The following EVC2 variants were observed in gnomAD, a reference collection of about 807,000 sequenced individuals.
The protein encoded by EVC2 is EvC ciliary complex subunit 2.
A neutral mutation model predicts 149.3 loss-of-function variants in EVC2; 148 were observed. The observed-to-expected ratio is 0.99, with a 90% CI of 0.87 to 1.14. The LOEUF (loss-of-function observed/expected upper bound fraction) is 1.14. Ranked by LOEUF, EVC2 falls within the 50% of genes most tolerant of loss-of-function variation. The probability of loss-of-function intolerance (pLI) is 0.00; values close to 1 mark genes in which losing one functional copy is unlikely to be tolerated. For synonymous variants in EVC2, 776 were observed against 649.9 expected, an observed-to-expected ratio of 1.19 and a Z score of -2.95; for missense variants, 1,854 against 1,627.3, an observed-to-expected ratio of 1.14 and a Z score of -2.40.
At chr4:5,592,493 G>A (rs184456081) in intron 16 of EVC2, among the ~76,000 whole-genome samples, 1 of 152,324 alleles carries the variant, frequency 6.6e-6, no homozygotes, top group Middle Eastern at 3.4e-3. Flanking sequence ...AGGAATGTCA[G>A]GTGGCCATCA....
rs1034970055 is a variant in EVC2 at position 5,574,605 on chromosome 4, G to A, written c.3360+80C>T. On this transcript the variant is annotated intron_variant, in intron 19 of 21. Coordinates refer to ENST00000344408, the MANE Select transcript of EVC2 (RefSeq NM_147127.5). Reference sequence around the variant, plus strand: ...GGCTTTTCATCACCATCCTGGAGGTGAGGAAATGTGGATTCTGAGAAAAAG... The same window carrying A: ...GGCTTTTCATCACCATCCTGGAGGTAAGGAAATGTGGATTCTGAGAAAAAG... 1.1e-5 allele frequency: 15 copies of A among 1,410,994 alleles called. No individual in the cohort carries two copies. In the African/African-American group the frequency reaches 1.8e-4, roughly 17 times the overall value. The allele number at this position is 1,410,994 out of a possible 1,614,324, so 87.4% of individuals were successfully genotyped here.
intron 16 of EVC2, among the ~76,000 whole-genome samples, chr4:5,598,119 A>G (rs1411575923): frequency 1.3e-5 from 2 of 150,442 alleles, no homozygotes; most frequent in South Asian, 2.1e-4. Context: ...GGAAGAATCA[A>G]TATCATGAAA....
At chr4:5,661,587 G>T (rs1310817470) in intron 9 of EVC2, among the ~76,000 whole-genome samples, 1 of 152,170 alleles carries the variant, frequency 6.6e-6, no homozygotes, top group Non-Finnish European at 1.5e-5. Flanking sequence ...AAAAAAATAA[G>T]ATTGAGATTT....
At chr4:5,565,915 T>C (rs532916584) in intron 20 of EVC2, among the ~76,000 whole-genome samples, 2 of 152,106 alleles carry the variant, frequency 1.3e-5, no homozygotes, top group Non-Finnish European at 2.9e-5. Context: ...GGGGAGTCAT[T>C]TGAGCAAAGG....
intron 9 of EVC2, among the ~76,000 whole-genome samples, chr4:5,655,804 A>C (rs1192996332): frequency 1.3e-5 from 2 of 150,120 alleles, no homozygotes; most frequent in Non-Finnish European, 1.5e-5. Flanking sequence ...GGAGGGAGGG[A>C]GGACAGTTTC....
At chr4:5,678,398 C>CT (rs1418531586) in intron 7 of EVC2, among the ~76,000 whole-genome samples, 4 of 152,202 alleles carry the variant, frequency 2.6e-5, no homozygotes, top group Non-Finnish European at 4.4e-5. Context: ...GGAGAGGACT[C>CT]TTAAAACTTG....
At chr4:5,659,038 C>T (rs779744536) in intron 9 of EVC2, among the ~76,000 whole-genome samples, 5 of 152,152 alleles carry the variant, frequency 3.3e-5, no homozygotes, top group Non-Finnish European at 5.9e-5. Flanking sequence ...CTCAAATCCT[C>T]TCTGTAAGAG....
At chr4:5,542,782 C>T in exon 23 of EVC2, 1 of 201,936 alleles carries the variant, frequency 5.0e-6, no homozygotes, top group South Asian at 8.5e-5. Context: ...GGTCAGTTGT[C>T]AGGATTGGCT....
rs576350839 is a variant in EVC2, at chr4:5,696,482, G to C, written c.283+1111C>G. 6.6e-6 allele frequency among the ~76,000 whole-genome samples: 1 copy of C among 152,180 alleles called. No homozygotes were observed. Among genetic ancestry groups the C allele is most frequent in the Non-Finnish European group, 1.5e-5 (1 of 68,028 alleles). ...CCAGGGATAGGTTCAGGGACAGGCC[G>C]GGGACCCACGCTGAGCCCAGGGGCC... On this transcript the variant is annotated intron_variant, in intron 2 of 21. Coordinates refer to ENST00000344408, the MANE Select transcript of EVC2 (RefSeq NM_147127.5). This position sits in a 1 kb window ranked among gnomAD's most constrained non-coding sequence, Gnocchi z 4.1.
chr4:5,680,167 G>C (rs1042666034), intron 7 of EVC2, among the ~76,000 whole-genome samples: 1 of 152,162 alleles, frequency 6.6e-6, no homozygotes, highest in East Asian at 1.9e-4. Context: ...CCTGCCTGAG[G>C]CTGATTTATA....
At chr4:5,629,952 A>G (rs1716407580) in intron 11 of EVC2, among the ~76,000 whole-genome samples, 2 of 152,244 alleles carry the variant, frequency 1.3e-5, no homozygotes, top group South Asian at 4.1e-4. Context: ...TTTCTGGCAT[A>G]ATATCATTCA....
the EVC2 span, among the ~76,000 whole-genome samples, chr4:5,535,829 A>T: frequency 6.6e-6 from 1 of 152,154 alleles, no homozygotes; most frequent in East Asian, 1.9e-4. The surrounding 1 kb of genome is among the most constrained non-coding windows in gnomAD (Gnocchi z 4.7). Flanking sequence ...AGCAGAAATC[A>T]TTAGGAGGGA....
intron 10 of EVC2, among the ~76,000 whole-genome samples, chr4:5,638,507 G>A (rs1285696148): frequency 6.6e-6 from 1 of 151,986 alleles, no homozygotes; most frequent in Admixed American, 6.6e-5. Context: ...CTAAGGGCTC[G>A]GCTCAAGGAT....
chr4:5,708,135 A>G (rs1049343639), intron 1 of EVC2, 151 bp downstream of exon 1: 6 of 626,702 alleles, frequency 9.6e-6, no homozygotes, highest in Non-Finnish European at 1.5e-5. Flanking sequence ...CGTGAGCGGG[A>G]TACACCTAAG....
At chr4:5,615,670 G>C in intron 15 of EVC2, 126 bp from the exon 16 acceptor site, 1 of 1,337,358 alleles carries the variant, frequency 7.5e-7, no homozygotes. Context: ...CTCTGCCTTA[G>C]GCCAGAGAGG....
Position 5,569,665 on chromosome 4 carries a change from A to G in EVC2, c.3361-1025T>C, listed in dbSNP as rs151182371. ...CAGGGGCAGGCAGGGGTGGGAGGGA[A>G]CAAGTCCAGGTGCCGGAAGCCAAGG... On this transcript the variant is annotated intron_variant, in intron 19 of 21. Coordinates refer to ENST00000344408, the MANE Select transcript of EVC2 (RefSeq NM_147127.5). This position sits in a 1 kb window ranked among gnomAD's most constrained non-coding sequence, Gnocchi z 4.8. Among the ~76,000 whole-genome samples, 3 of 152,058 alleles carry G rather than the reference A, an allele frequency of 2.0e-5. No homozygotes were observed. The East Asian group carries it at 5.9e-4, about 30-fold the overall frequency.
intron 15 of EVC2, among the ~76,000 whole-genome samples, chr4:5,616,811 G>A (rs1457000763): frequency 6.6e-6 from 1 of 152,132 alleles, no homozygotes; most frequent in Non-Finnish European, 1.5e-5. Context: ...TTCGCGAAAA[G>A]GAAGATGACA....
intron 19 of EVC2, among the ~76,000 whole-genome samples, chr4:5,570,593 C>T (rs891634183): frequency 6.6e-6 from 1 of 152,184 alleles, no homozygotes; most frequent in Non-Finnish European, 1.5e-5. Context: ...ATGGAGGTTC[C>T]TTAAAGAACT....
Position 5,708,366 on chromosome 4 carries a change from G to A in EVC2, c.148C>T (p.Pro50Ser), listed in dbSNP as rs1245195172. The change falls in exon 1 of 22, where the codon CCC becomes TCC. Residue 50 changes from proline to serine, a missense_variant. By Grantham distance (74) the Pro-to-Ser change is moderately conservative. Coordinates refer to ENST00000344408, the MANE Select transcript of EVC2 (RefSeq NM_147127.5). ...GGCCCAGACCTAGGAGCCACCTGGG[G>A]ATCCCGGGGTGGCTGCGCGCCGAGG... is the stretch of plus-strand genomic sequence containing the variant. ...RPLGAQPPRD[P>S]QVAPRSGPGL... 3 of 1,488,916 alleles carry A rather than the reference G, an allele frequency of 2.0e-6. No individual in the cohort carries two copies. The highest frequency in any genetic ancestry group is 1.3e-5 in the South Asian group (1 of 78,300). The allele number at this position is 1,488,916 out of a possible 1,614,324, so 92.2% of individuals were successfully genotyped here.
Sources: allele counts gnomAD v4.1 joint callset (sites outside exome capture counted in the v4.1 genomes callset), GRCh38; gene constraint gnomAD v4.1.1; non-coding constraint Gnocchi (gnomAD v3.1); transcripts MANE v1.5; gene names NCBI Gene and HGNC (gene_info 2026-07-23, HGNC 2026-07-21).